LINGO2: variants seen among roughly 807,000 people sequenced by gnomAD.
LINGO2 encodes leucine-rich repeat and immunoglobulin-like domain-containing nogo receptor-interacting protein 2.
Under a neutral mutation model 30.6 loss-of-function variants are expected in LINGO2, and 14 were observed. The ratio of observed to expected loss-of-function variants is 0.46; its 90% confidence interval spans 0.30 to 0.72. The LOEUF (loss-of-function observed/expected upper bound fraction) is 0.72, where lower values mean the gene tolerates loss of function less well. LINGO2 is among the 30% of genes least tolerant of loss of function. The pLI is 0.07. For synonymous variants in LINGO2, 317 were observed against 288.5 expected, an observed-to-expected ratio of 1.10 and a Z score of -1.00; for missense variants, 729 against 751.7, an observed-to-expected ratio of 0.97 and a Z score of 0.35.
At chr9:28,055,425 G>T (rs1239158920) in intron 4 of LINGO2, among the ~76,000 whole-genome samples, 2 of 152,138 alleles carry the variant, frequency 1.3e-5, no homozygotes, top group East Asian at 3.9e-4. Context: ...CCACATTTCT[G>T]TTGGGTATAA....
intron 1 of LINGO2, among the ~76,000 whole-genome samples, chr9:28,476,556 T>G (rs1825738105): frequency 6.6e-6 from 1 of 152,144 alleles, no homozygotes; most frequent in Admixed American, 6.6e-5. Flanking sequence ...ATTACAGGCG[T>G]GAGCCACCGC....
intron 3 of LINGO2, among the ~76,000 whole-genome samples, chr9:28,348,195 G>A (rs568482777): frequency 1.6e-4 from 25 of 152,264 alleles, no homozygotes; most frequent in Non-Finnish European, 2.5e-4. Flanking sequence ...CAGCGTGAGC[G>A]ACGCAGAAGA....
chr9:28,129,241 G>A lies in LINGO2; in HGVS notation c.-86-116836C>T, dbSNP rs768055256. Among the ~76,000 whole-genome samples, 12 of 152,098 alleles carry A rather than the reference G, an allele frequency of 7.9e-5. No homozygotes were observed. Among genetic ancestry groups the A allele is most frequent in the African/African-American group, 2.2e-4 (9 of 41,408 alleles). ...TATCGTGGGACTTCACCTGGTAATC[G>A]TGGGAGTCAATTCTCCTTAATAAAC... is the stretch of plus-strand genomic sequence containing the variant. On this transcript the variant is annotated intron_variant, in intron 4 of 5. Coordinates refer to ENST00000379992, the Ensembl canonical transcript of LINGO2. This position sits in a 1 kb window ranked among gnomAD's most constrained non-coding sequence, Gnocchi z 4.0.
chr9:28,840,216 C>T, the LINGO2 span, among the ~76,000 whole-genome samples: 1 of 151,802 alleles, frequency 6.6e-6, no homozygotes, highest in Admixed American at 6.5e-5. Context: ...CGGTGGGTCT[C>T]CCACCCCTTC....
the LINGO2 span, among the ~76,000 whole-genome samples, chr9:28,883,628 G>GTGTGTATATATATA: frequency 1.2e-4 from 8 of 64,176 alleles, no homozygotes; most frequent in Non-Finnish European, 1.2e-4. Flanking sequence ...ATGTGTGTGT[G>GTGTGTATATATATA]TATATATATA....
intron 2 of LINGO2, among the ~76,000 whole-genome samples, chr9:28,404,988 A>G (rs1161790469): frequency 6.6e-6 from 1 of 151,706 alleles, no homozygotes; most frequent in African/African-American, 2.4e-5. Context: ...GAGGAATTTC[A>G]TTTGGAGCAA....
chr9:28,850,152 A>T, the LINGO2 span, among the ~76,000 whole-genome samples: 1 of 152,046 alleles, frequency 6.6e-6, no homozygotes, highest in Non-Finnish European at 1.5e-5. Flanking sequence ...TCTTATAATT[A>T]TAATACACAT....
the LINGO2 span, among the ~76,000 whole-genome samples, chr9:28,815,465 A>G: frequency 6.6e-6 from 1 of 152,130 alleles, no homozygotes; most frequent in East Asian, 1.9e-4. Flanking sequence ...ATTTTCCTAA[A>G]TCTTTCTGGC....
intron 3 of LINGO2, among the ~76,000 whole-genome samples, chr9:28,307,811 G>C (rs1005283319): frequency 1.3e-5 from 2 of 152,068 alleles, no homozygotes; most frequent in African/African-American, 2.4e-5. Flanking sequence ...GCCAAATCAT[G>C]AGTGAACTCC....
At chr9:28,231,853 T>C (rs115276530) in intron 4 of LINGO2, among the ~76,000 whole-genome samples, 5 of 152,172 alleles carry the variant, frequency 3.3e-5, no homozygotes, top group Admixed American at 6.5e-5. Context: ...ATAAAAAATA[T>C]CCTGATTGCT....
intron 4 of LINGO2, among the ~76,000 whole-genome samples, chr9:28,174,917 T>TGA (rs1262921989): frequency 3.6e-5 from 5 of 139,872 alleles, no homozygotes; most frequent in Middle Eastern, 7.6e-3. Context: ...TGTGTGTGTG[T>TGA]GTGTGAGAGA....
At chr9:28,633,398 G>T (rs1340486028) in intron 1 of LINGO2, among the ~76,000 whole-genome samples, 1 of 152,082 alleles carries the variant, frequency 6.6e-6, no homozygotes, top group Non-Finnish European at 1.5e-5. Context: ...CCTAGCTCCA[G>T]ATATATGTGG....
intron 4 of LINGO2, among the ~76,000 whole-genome samples, chr9:28,053,558 ACAGAT>A (rs960452952): frequency 6.6e-5 from 10 of 151,914 alleles, no homozygotes. Context: ...TCAGCTTGCT[ACAGAT>A]CAGATAAGGT....
chr9:28,491,290 T>G (rs2135267920), intron 1 of LINGO2, among the ~76,000 whole-genome samples: 1 of 152,334 alleles, frequency 6.6e-6, no homozygotes, highest in Non-Finnish European at 1.5e-5. Context: ...CTCTTGGCAT[T>G]CTTTGGCTTG....
At chr9:29,131,820 C>G in the LINGO2 span, among the ~76,000 whole-genome samples, 1 of 151,568 alleles carries the variant, frequency 6.6e-6, no homozygotes, top group African/African-American at 2.4e-5. Context: ...GTTAAGGGCA[C>G]TTTAAAGGAT....
At chr9:28,955,150 A>G in the LINGO2 span, among the ~76,000 whole-genome samples, 2 of 151,484 alleles carry the variant, frequency 1.3e-5, no homozygotes, top group African/African-American at 4.9e-5. Context: ...GGAGACAAAA[A>G]GAGAAACAAT....
intron 2 of LINGO2, among the ~76,000 whole-genome samples, chr9:28,410,822 T>C (rs16912916): frequency 0.021 from 3,132 of 152,206 alleles, 86 homozygotes; most frequent in East Asian, 0.097. Flanking sequence ...TGATAAAATA[T>C]GAAAACTCAA....
the LINGO2 span, among the ~76,000 whole-genome samples, chr9:29,174,476 A>G: frequency 1.3e-5 from 2 of 152,248 alleles, no homozygotes; most frequent in Non-Finnish European, 2.9e-5. Flanking sequence ...ATAGCATTTC[A>G]TGCTACGTCC....
chr9:29,171,710 T>G, the LINGO2 span, among the ~76,000 whole-genome samples: 1 of 151,756 alleles, frequency 6.6e-6, no homozygotes, highest in Admixed American at 6.6e-5. Flanking sequence ...GGCGGAAAAA[T>G]ATTCCACATA....
Sources: gnomAD v4.1 joint callset for allele counts (sites outside exome capture counted in the v4.1 genomes callset) on GRCh38, gnomAD v4.1.1 for gene constraint, Gnocchi (gnomAD v3.1) non-coding constraint, MANE v1.5 for transcripts, NCBI Gene and HGNC (gene_info 2026-07-23, HGNC 2026-07-21) for gene names.